PCDH9: variants seen among roughly 807,000 people sequenced by gnomAD.
The protein encoded by PCDH9 is protocadherin 9.
PCDH9 carries 24 observed loss-of-function variants against 70.6 expected under a neutral mutation model. The ratio of observed to expected loss-of-function variants is 0.34; its 90% CI spans 0.25 to 0.48. The LOEUF (loss-of-function observed/expected upper bound fraction) is 0.48. PCDH9 is among the 20% of genes least tolerant of loss of function. The probability of loss-of-function intolerance (pLI) is 0.99; values close to 1 mark genes in which losing one functional copy is unlikely to be tolerated. For missense variants in PCDH9, 1,281 were observed against 1,503.6 expected, an observed-to-expected ratio of 0.85 and a Z score of 2.45; for synonymous variants, 562 against 558.5, an observed-to-expected ratio of 1.01 and a Z score of -0.09.
In PCDH9 at chr13:66,860,598, G is replaced by A. The variant is rs573730441; in HGVS notation, c.3138+42906C>T. 5.3e-5 allele frequency among the ~76,000 whole-genome samples: 8 copies of A among 152,340 alleles called. No homozygotes were observed. In the South Asian group the frequency reaches 1.7e-3, roughly 32 times the overall value. On this transcript the variant is annotated intron_variant, in intron 3 of 4. Coordinates refer to ENST00000377865, the MANE Select transcript of PCDH9 (RefSeq NM_203487.3). ...TGTAAACAAGGACAGTGAAGGTCTT[G>A]CTATCTAAAGATATCAGCATGCAAG...
chr13:67,143,004 G>A (rs529063879), intron 2 of PCDH9, among the ~76,000 whole-genome samples: 9 of 150,674 alleles, frequency 6.0e-5, no homozygotes, highest in South Asian at 4.2e-4. Context: ...GCTAGACTAC[G>A]TATCAAAAAA....
chr13:66,467,733 T>TA (rs1434375550), intron 4 of PCDH9, among the ~76,000 whole-genome samples: 2 of 152,030 alleles, frequency 1.3e-5, no homozygotes, highest in African/African-American at 2.4e-5. Context: ...AGAAAACAAA[T>TA]AAAAAAATCA....
rs182361500 is a variant in PCDH9 at position 66,973,458 on chromosome 13, A to G, written c.3037-69853T>C. 9.9e-5 allele frequency among the ~76,000 whole-genome samples: 15 copies of G among 152,104 alleles called. No individual in the cohort carries two copies. The East Asian group carries it at 2.5e-3, about 25-fold the overall frequency. Reference sequence around the variant, plus strand: ...ACAGAACTCCACAGACAGCTAGAAAAGGAGGAGGAAACGACCAATATTGGA... The same window carrying G: ...ACAGAACTCCACAGACAGCTAGAAAGGGAGGAGGAAACGACCAATATTGGA... On this transcript the variant is annotated intron_variant, in intron 2 of 4. Transcript: ENST00000377865.
chr13:66,552,921 C>T (rs1165147099), intron 4 of PCDH9, among the ~76,000 whole-genome samples: 1 of 152,094 alleles, frequency 6.6e-6, no homozygotes, highest in Non-Finnish European at 1.5e-5. Context: ...GAAGCAAACA[C>T]GTCCTTCTTC....
intron 3 of PCDH9, among the ~76,000 whole-genome samples, chr13:66,729,310 CT>C (rs2079042694): frequency 6.6e-6 from 1 of 152,074 alleles, no homozygotes; most frequent in African/African-American, 2.4e-5. Flanking sequence ...ATAAATTCCT[CT>C]TGGATCAGGC....
intron 3 of PCDH9, among the ~76,000 whole-genome samples, chr13:66,763,574 A>T (rs911209842): frequency 5.3e-5 from 8 of 152,048 alleles, no homozygotes; most frequent in Admixed American, 5.2e-4. Context: ...AGAAGAAATT[A>T]TCTTGCCACA....
intron 3 of PCDH9, among the ~76,000 whole-genome samples, chr13:66,640,324 A>T (rs1040165668): frequency 3.9e-5 from 6 of 152,154 alleles, no homozygotes; most frequent in Admixed American, 6.6e-5. Flanking sequence ...CCTGTAGCAG[A>T]TTTTACAAAA....
chr13:66,824,382 G>A (rs899356778), intron 3 of PCDH9, among the ~76,000 whole-genome samples: 6 of 146,654 alleles, frequency 4.1e-5, no homozygotes, highest in South Asian at 2.1e-4. Flanking sequence ...AAGGCCCAGC[G>A]CGGTGGCTCA....
intron 2 of PCDH9, among the ~76,000 whole-genome samples, chr13:67,182,814 T>A (rs895023778): frequency 1.3e-5 from 2 of 152,128 alleles, no homozygotes; most frequent in African/African-American, 2.4e-5. Context: ...TACATGCCAC[T>A]CTGCCTGTCC....
intron 3 of PCDH9, among the ~76,000 whole-genome samples, chr13:66,660,832 T>C (rs2077998769): frequency 6.6e-6 from 1 of 151,994 alleles, no homozygotes. Context: ...TTTATTTTCT[T>C]TTTACATTTT....
chr13:66,836,177 T>C (rs752815199), intron 3 of PCDH9, among the ~76,000 whole-genome samples: 1 of 152,138 alleles, frequency 6.6e-6, no homozygotes, highest in African/African-American at 2.4e-5. Context: ...TTGTCCACAA[T>C]AGTGGACACT....
chr13:67,153,794 G>A (rs954474686), intron 2 of PCDH9, among the ~76,000 whole-genome samples: 1 of 152,186 alleles, frequency 6.6e-6, no homozygotes, highest in African/African-American at 2.4e-5. Flanking sequence ...ACCATTTGCT[G>A]AAATAATACA....
intron 4 of PCDH9, among the ~76,000 whole-genome samples, chr13:66,517,711 G>T (rs1438899598): frequency 6.6e-6 from 1 of 152,070 alleles, no homozygotes; most frequent in Non-Finnish European, 1.5e-5. Context: ...TAAGATTTAA[G>T]CTCTATTTTA....
At chr13:67,107,478 T>C (rs1030617391) in intron 2 of PCDH9, among the ~76,000 whole-genome samples, 1 of 152,098 alleles carries the variant, frequency 6.6e-6, no homozygotes, top group Admixed American at 6.5e-5. Flanking sequence ...CTGGGCCTCC[T>C]CTCCACTGAG....
chr13:66,824,008 G>A (rs2080763944), intron 3 of PCDH9, among the ~76,000 whole-genome samples: 1 of 151,848 alleles, frequency 6.6e-6, no homozygotes, highest in Admixed American at 6.6e-5. Flanking sequence ...AAAATTGAAT[G>A]AAATCTAAAC....
rs370236452 is a variant in PCDH9, at chr13:66,628,927, CT to C, written c.3340+2282del. Among the ~76,000 whole-genome samples the C allele has an allele frequency of 3.0e-3, 458 of 152,214 alleles. 1 individual carries two copies. Among genetic ancestry groups the C allele is most frequent in the African/African-American group, 0.011 (439 of 41,540 alleles). On this transcript the variant is annotated intron_variant, in intron 4 of 4. Transcript: ENST00000377865. ...TATAACTCTCATTTTATCCTTATAGCTATTAAATTTGAAAAGCTGCCTTTGC... is the reference window on the plus strand; with the variant it reads ...TATAACTCTCATTTTATCCTTATAGCATTAAATTTGAAAAGCTGCCTTTGC...
chr13:67,223,235 T>TA (rs1396455551), intron 2 of PCDH9: 2 of 152,160 alleles, frequency 1.3e-5, no homozygotes, highest in African/African-American at 4.8e-5. Flanking sequence ...TATGACTGAC[T>TA]AAGCCTCAAG....
intron 3 of PCDH9, chr13:66,880,033 G>A (rs533037414): frequency 2.8e-4 from 43 of 152,194 alleles, no homozygotes; most frequent in African/African-American, 9.6e-4. Context: ...AATGCTCCAG[G>A]GTACAGGACA....
At chr13:66,340,486 G>A (rs573461748) in intron 4 of PCDH9, among the ~76,000 whole-genome samples, 10 of 152,158 alleles carry the variant, frequency 6.6e-5, no homozygotes, top group African/African-American at 1.7e-4. Flanking sequence ...ACAAAACTGA[G>A]TTCCTTTCAC....
Sources: gnomAD v4.1 joint callset for allele counts (sites outside exome capture counted in the v4.1 genomes callset) on GRCh38, gnomAD v4.1.1 for gene constraint, MANE v1.5 for transcripts, NCBI Gene and HGNC (gene_info 2026-07-23, HGNC 2026-07-21) for gene names.